Variants in RORA observed in about 807,000 individuals in gnomAD.
The protein encoded by RORA is nuclear receptor ROR-alpha.
RORA carries 7 observed loss-of-function variants against 69.5 expected under a neutral mutation model. That is an observed-to-expected ratio of 0.10 (90% CI 0.06 to 0.19). The LOEUF (loss-of-function observed/expected upper bound fraction) is 0.19, where lower values mean the gene tolerates loss of function less well. Among genes scored for constraint, RORA ranks in the 10% least tolerant of loss-of-function variants. The pLI is 1.00. For synonymous variants in RORA, 261 were observed against 240.8 expected (o/e 1.08, Z -0.78); for missense variants, 457 against 663.0 (o/e 0.69, Z 3.41).
chr15:60,945,342 C>A (rs1482219040), intron 1 of RORA, among the ~76,000 whole-genome samples: 1 of 152,202 alleles, frequency 6.6e-6, no homozygotes, highest in Admixed American at 6.5e-5. Context: ...ACAGTGCTGG[C>A]TTCTTGCATG....
At chr15:60,709,372 A>G (rs2071111900) in intron 1 of RORA, among the ~76,000 whole-genome samples, 1 of 152,204 alleles carries the variant, frequency 6.6e-6, no homozygotes, top group Admixed American at 6.5e-5. Flanking sequence ...AAAATCTGAT[A>G]TCTATGAAGT....
At chr15:60,711,831 A>G (rs796153711) in intron 1 of RORA, among the ~76,000 whole-genome samples, 8 of 152,304 alleles carry the variant, frequency 5.3e-5, no homozygotes, top group African/African-American at 1.9e-4. Flanking sequence ...AAGACTTACT[A>G]GGAAAATCCA....
intron 1 of RORA, among the ~76,000 whole-genome samples, chr15:60,886,618 A>C (rs2073753103): frequency 6.6e-6 from 1 of 152,212 alleles, no homozygotes; most frequent in African/African-American, 2.4e-5. Flanking sequence ...TTGTTTACTC[A>C]ATATAGACAG....
intron 1 of RORA, among the ~76,000 whole-genome samples, chr15:61,209,980 C>T (rs932777639): frequency 6.6e-6 from 1 of 152,220 alleles, no homozygotes; most frequent in African/African-American, 2.4e-5. Context: ...CGCCACAGAA[C>T]CAGTCCCTAA....
At chr15:60,507,107 C>A (rs906291109) in intron 5 of RORA, among the ~76,000 whole-genome samples, 3 of 151,636 alleles carry the variant, frequency 2.0e-5, no homozygotes, top group African/African-American at 7.3e-5. Flanking sequence ...AATCTAGATG[C>A]CAGGAACTAA....
At chr15:60,884,120 C>G (rs543020288) in intron 1 of RORA, among the ~76,000 whole-genome samples, 7 of 151,796 alleles carry the variant, frequency 4.6e-5, no homozygotes, top group African/African-American at 1.7e-4. Flanking sequence ...AACTGGATTG[C>G]GTCCGTGGCT....
intron 1 of RORA, among the ~76,000 whole-genome samples, chr15:60,966,226 C>G (rs1412455266): frequency 6.6e-6 from 1 of 152,196 alleles, no homozygotes; most frequent in Non-Finnish European, 1.5e-5. Context: ...ACCCTAGTCA[C>G]TTCTTTTCAC....
chr15:61,195,550 T>C (rs1276421415), intron 1 of RORA, among the ~76,000 whole-genome samples: 1 of 152,178 alleles, frequency 6.6e-6, no homozygotes, highest in Non-Finnish European at 1.5e-5. Context: ...GTTTTCCACA[T>C]GGACCTCAGC....
At chr15:60,525,479 C>T (rs965586731) in intron 3 of RORA, among the ~76,000 whole-genome samples, 2 of 152,220 alleles carry the variant, frequency 1.3e-5, no homozygotes, top group African/African-American at 2.4e-5. Context: ...AACATACCCA[C>T]TTCCACTTCT....
chr15:60,597,551 C>CAACAT (rs1555435946), intron 2 of RORA, among the ~76,000 whole-genome samples: 924 of 24,610 alleles, frequency 0.038, 34 homozygotes, highest in Middle Eastern at 0.077. Flanking sequence ...ACACACACAA[C>CAACAT]ATATATATAT....
At position 60,514,669 on chromosome 15, in the gene RORA, C is replaced by A; in HGVS notation, c.371G>T (p.Arg124Leu). 1 of 1,614,038 alleles carries A rather than the reference C, an allele frequency of 6.2e-7. No individual in the cohort carries two copies. Among genetic ancestry groups the A allele is most frequent in the Non-Finnish European group, 8.5e-7 (1 of 1,179,944 alleles). ...NCLIDRTSRN[R>L]CQHCRLQKCL... ...TTTCTGTAATCGACAGTGTTGGCAGCGGTTTCTACTGGTTCGATCAATCAA... is the reference window on the plus strand; with the variant it reads ...TTTCTGTAATCGACAGTGTTGGCAGAGGTTTCTACTGGTTCGATCAATCAA... Residue 124 changes from arginine to leucine, a missense_variant, in exon 4 of 11, where the codon CGC (arginine) becomes CTC (leucine). Physicochemically the swap from Arg to Leu is moderately radical, Grantham distance 102. This residue lies in a region of RORA where 34 missense variants were observed against 123.2 expected (regional missense o/e 0.28). Coordinates refer to ENST00000335670, the MANE Select transcript of RORA (RefSeq NM_134261.3).
At chr15:60,755,569 C>T (rs1051116528) in intron 1 of RORA, among the ~76,000 whole-genome samples, 1 of 152,148 alleles carries the variant, frequency 6.6e-6, no homozygotes, top group Non-Finnish European at 1.5e-5. Context: ...CACCGACTTT[C>T]ACAATGGTTG....
At position 60,595,459 on chromosome 15, in the gene RORA, GA is replaced by G. The variant is rs567580199; in HGVS notation, c.197-63609del. Among the ~76,000 whole-genome samples, 41 of 151,706 alleles carry G rather than the reference GA, an allele frequency of 2.7e-4. 1 individual carries two copies. Among genetic ancestry groups the G allele is most frequent in the Non-Finnish European group, 5.3e-4 (36 of 67,980 alleles). On this transcript the variant is annotated intron_variant, in intron 2 of 10. Transcript: ENST00000335670. The stretch of plus-strand genomic sequence containing the variant: ...GAACCCAGGAAGTTGAGGTTGCAGT[GA>G]GCTGAGATCACACCACTGCACTCCA...
At chr15:60,826,766 CCTCTCTCTCTCT>C (rs572975247) in intron 1 of RORA, among the ~76,000 whole-genome samples, 1 of 126,090 alleles carries the variant, frequency 7.9e-6, no homozygotes, top group Admixed American at 7.6e-5. Flanking sequence ...TCTCTCTCTC[CCTCTCTCTCTCT>C]CTCTCTCTCT....
At chr15:60,548,617 C>T (rs2067141175) in intron 2 of RORA, among the ~76,000 whole-genome samples, 1 of 152,110 alleles carries the variant, frequency 6.6e-6, no homozygotes, top group Non-Finnish European at 1.5e-5. Context: ...CTACACTTCA[C>T]GGTAAATAGC....
chr15:60,567,476 A>G (rs1470486147), intron 2 of RORA, among the ~76,000 whole-genome samples: 2 of 149,950 alleles, frequency 1.3e-5, no homozygotes, highest in African/African-American at 4.9e-5. Context: ...CAGTGGTGTG[A>G]TCTCAGCTCA....
chr15:60,873,839 T>C (rs1332609481), intron 1 of RORA, among the ~76,000 whole-genome samples: 1 of 152,206 alleles, frequency 6.6e-6, no homozygotes, highest in African/African-American at 2.4e-5. Context: ...AAGCAAATTT[T>C]GTAGGTAATA....
chr15:60,603,001 G>T (rs903169558), intron 2 of RORA, among the ~76,000 whole-genome samples: 2 of 152,114 alleles, frequency 1.3e-5, no homozygotes, highest in Non-Finnish European at 2.9e-5. Context: ...TGCCTTTAAA[G>T]AATATTATTT....
At chr15:60,556,922 AG>A (rs781679655) in intron 2 of RORA, 2 of 1,613,220 alleles carry the variant, frequency 1.2e-6, no homozygotes. Flanking sequence ...TTCTGCCTCC[AG>A]GAACACTTGT....
Sources: gnomAD v4.1 joint callset for allele counts (sites outside exome capture counted in the v4.1 genomes callset) on GRCh38, gnomAD v4.1.1 for gene constraint, gnomAD v4.1.1 regional missense constraint, MANE v1.5 for transcripts, NCBI Gene and HGNC (gene_info 2026-07-23, HGNC 2026-07-21) for gene names.